The following AKR1A1 variants were observed in gnomAD, a reference collection of about 807,000 sequenced individuals.
AKR1A1 encodes the protein HEL-S-165mP.
Under a neutral mutation model 39.2 loss-of-function variants are expected in AKR1A1, and 26 were observed. The ratio of observed to expected loss-of-function variants is 0.66; its 90% CI spans 0.49 to 0.92. The LOEUF is 0.92. AKR1A1 is among the 40% of genes least tolerant of loss of function. The probability of loss-of-function intolerance (pLI) is 0.00; values close to 1 mark genes in which losing one functional copy is unlikely to be tolerated. For missense variants in AKR1A1, 378 were observed against 406.5 expected (o/e 0.93, Z 0.60); for synonymous variants, 141 against 155.5 (o/e 0.91, Z 0.69).
rs141859105 is a variant in AKR1A1, at chr1:45,566,973, G to A, written c.309G>A (p.Gln103=). 22 of 1,614,132 alleles carry A rather than the reference G, an allele frequency of 1.4e-5. No homozygotes were observed. The African/African-American group carries it at 2.9e-4, about 22-fold the overall frequency. The stretch of plus-strand genomic sequence containing the variant: ...TCCGGAAGACTCTGGCTGACCTCCA[G>A]CTGGAGTATCTGGACCTGTACCTGA... ...PALRKTLADL[Q]LEYLDLYLMH... is the part of the protein sequence containing the mutation. The change falls in exon 4 of 9, where the codon CAG becomes CAA. Residue 103 remains glutamine, a synonymous_variant. Transcript: ENST00000351829.
chr1:45,560,466 C>T (rs1644263133), intron 1 of AKR1A1, among the ~76,000 whole-genome samples: 1 of 152,140 alleles, frequency 6.6e-6, no homozygotes, highest in Admixed American at 6.6e-5. Context: ...TAAAAACATC[C>T]AGGTGTGCTG....
rs766625145 is a variant in AKR1A1 at position 45,568,638 on chromosome 1, G to T, written c.706G>T (p.Ala236Ser). 1.9e-6 allele frequency: 3 copies of T among 1,613,844 alleles called. No individual in the cohort carries two copies. The highest frequency in any genetic ancestry group is 2.5e-6 in the Non-Finnish European group (3 of 1,179,918). ...PVLLEEPVVL[A>S]LAEKYGRSPA... Reference sequence around the variant, plus strand: ...CCTGCTGGAGGAACCAGTAGTCCTGGCATTGGCTGAAAAGTATGGCCGATC... The same window carrying T: ...CCTGCTGGAGGAACCAGTAGTCCTGTCATTGGCTGAAAAGTATGGCCGATC... Residue 236 changes from alanine to serine, a missense_variant, in exon 6 of 9, where the codon GCA (alanine) becomes TCA (serine). Coordinates refer to ENST00000351829, the MANE Select transcript of AKR1A1 (RefSeq NM_153326.3).
At chr1:45,562,490 C>T (rs1288005364) in intron 2 of AKR1A1, among the ~76,000 whole-genome samples, 1 of 148,672 alleles carries the variant, frequency 6.7e-6, no homozygotes, top group Non-Finnish European at 1.5e-5. Context: ...CACAGGCACA[C>T]ACTAACACAC....
At chr1:45,562,018 C>A in intron 2 of AKR1A1, 140 bp downstream of exon 2, 1 of 794,898 alleles carries the variant, frequency 1.3e-6, no homozygotes, top group Non-Finnish European at 2.0e-6. Context: ...ACATCCTGGG[C>A]TTCCCCAGCT....
chr1:45,562,534 G>A (rs891159673), intron 2 of AKR1A1, among the ~76,000 whole-genome samples: 3 of 143,968 alleles, frequency 2.1e-5, no homozygotes, highest in Non-Finnish European at 4.5e-5. Context: ...TTTTGAAACC[G>A]AGTCTCACTC....
At chr1:45,568,801 T>C in intron 6 of AKR1A1, 117 bp downstream of exon 6, 1 of 1,519,428 alleles carries the variant, frequency 6.6e-7, no homozygotes, top group Non-Finnish European at 9.1e-7. Context: ...GGGAGGCCAC[T>C]GTAGGCATAT....
At chr1:45,566,049 T>A (rs1355365559) in intron 2 of AKR1A1, among the ~76,000 whole-genome samples, 2 of 152,058 alleles carry the variant, frequency 1.3e-5, no homozygotes, top group Admixed American at 6.5e-5. Flanking sequence ...GAGCAAAGGG[T>A]TTGGAGCCTC....
At chr1:45,557,007 T>C (rs1395440186) in intron 1 of AKR1A1, among the ~76,000 whole-genome samples, 6 of 150,900 alleles carry the variant, frequency 4.0e-5, no homozygotes, top group Non-Finnish European at 8.8e-5. Context: ...CTGGCCAACA[T>C]GGTGAAACCC....
chr1:45,569,858 C>G, intron 8 of AKR1A1, 33 bp from the exon 9 acceptor site: 1 of 1,601,112 alleles, frequency 6.2e-7, no homozygotes, highest in Non-Finnish European at 8.6e-7. Flanking sequence ...GCAACTCCTG[C>G]TGATGGAGTA....
At chr1:45,558,528 T>G (rs562797913) in intron 1 of AKR1A1, among the ~76,000 whole-genome samples, 1 of 151,400 alleles carries the variant, frequency 6.6e-6, no homozygotes, top group South Asian at 2.1e-4. Context: ...GCCTTCTGAG[T>G]ATCTGGGACC....
At position 45,560,725 on chromosome 1, in the gene AKR1A1, CTT is replaced by C. The variant is rs565611681; in HGVS notation, c.-6-1045_-6-1044del. Among the ~76,000 whole-genome samples the C allele has an allele frequency of 3.9e-3, 447 of 114,326 alleles. 4 individuals carry two copies. The highest frequency in any genetic ancestry group is 0.024 in the East Asian group (92 of 3,756). 75.0% of individuals were successfully genotyped at this position (114,326 alleles called of 152,430 possible). On this transcript the variant is annotated intron_variant, in intron 1 of 8. Coordinates refer to ENST00000351829, the MANE Select transcript of AKR1A1 (RefSeq NM_153326.3). ...AGGTACTTGGAGAATCTCTGCAGTT[CTT>C]TTTTTTTTTTTTTTTTTTGAGACAA...
Position 45,568,984 on chromosome 1 carries a change from C to G in AKR1A1, c.810C>G (p.Ile270Met). Residue 270 changes from isoleucine to methionine, a missense_variant, in exon 7 of 9, where the codon ATC becomes ATG. Physicochemically the swap from Ile to Met is conservative, Grantham distance 10. Transcript: ENST00000351829. ...CCAAAAGTATCACTCCTTCTCGAATCCTTCAGAACATCAAGGTACTTGGTA... is the reference window on the plus strand; with the variant it reads ...CCAAAAGTATCACTCCTTCTCGAATGCTTCAGAACATCAAGGTACTTGGTA... ...CIPKSITPSRILQNIKVFDFT... is the reference protein window; with the variant it reads ...CIPKSITPSRMLQNIKVFDFT... The G allele has an allele frequency of 6.2e-7, 1 of 1,614,164 alleles. No individual in the cohort carries two copies. The highest frequency in any genetic ancestry group is 8.5e-7 in the Non-Finnish European group (1 of 1,180,010).
chr1:45,562,534 G>C (rs891159673), intron 2 of AKR1A1, among the ~76,000 whole-genome samples: 2 of 143,966 alleles, frequency 1.4e-5, no homozygotes, highest in African/African-American at 5.2e-5. Flanking sequence ...TTTTGAAACC[G>C]AGTCTCACTC....
intron 1 of AKR1A1, among the ~76,000 whole-genome samples, chr1:45,553,315 G>C (rs1644157964): frequency 6.6e-6 from 1 of 151,884 alleles, no homozygotes; most frequent in African/African-American, 2.4e-5. Context: ...CCAACTACTG[G>C]GGAGGCTGAG....
chr1:45,562,940 T>G (rs1644296601), intron 2 of AKR1A1, among the ~76,000 whole-genome samples: 1 of 151,296 alleles, frequency 6.6e-6, no homozygotes, highest in South Asian at 2.1e-4. Context: ...GGCAACACAG[T>G]GAGACCCCCG....
chr1:45,564,471 C>G (rs1644314840), intron 2 of AKR1A1, among the ~76,000 whole-genome samples: 2 of 152,294 alleles, frequency 1.3e-5, no homozygotes, highest in Non-Finnish European at 1.5e-5. Flanking sequence ...ACTGACCCAT[C>G]CTTCTATCTG....
At chr1:45,562,015 G>A in intron 2 of AKR1A1, 137 bp downstream of exon 2, 1 of 819,970 alleles carries the variant, frequency 1.2e-6, no homozygotes, top group Non-Finnish European at 1.9e-6. Context: ...TATACATCCT[G>A]GGCTTCCCCA....
Position 45,568,087 on chromosome 1 carries a change from G to A in AKR1A1, c.462G>A (p.Gly154=), listed in dbSNP as rs147926975. ...CTCTGGAGGCACTGGTGGCTAAGGG[G>A]CTGGTGCAGGCGCTGGGCCTGTCCA... The part of the protein sequence containing the change: ...WKALEALVAK[G]LVQALGLSNF... The change falls in exon 5 of 9, where the codon GGG becomes GGA. Residue 154 remains glycine, a synonymous_variant. Coordinates refer to ENST00000351829, the MANE Select transcript of AKR1A1 (RefSeq NM_153326.3). The A allele has an allele frequency of 6.2e-7, 1 of 1,614,090 alleles. No homozygotes were observed. The highest frequency in any genetic ancestry group is 1.3e-5 in the African/African-American group (1 of 75,018).
chr1:45,557,932 T>G, intron 1 of AKR1A1, among the ~76,000 whole-genome samples: 1 of 148,648 alleles, frequency 6.7e-6, no homozygotes, highest in Non-Finnish European at 1.5e-5. Flanking sequence ...TTTTTTGAGA[T>G]GGAGCCTCAC....
Sources: allele counts gnomAD v4.1 joint callset (sites outside exome capture counted in the v4.1 genomes callset), GRCh38; gene constraint gnomAD v4.1.1; transcripts MANE v1.5; gene names NCBI Gene and HGNC (gene_info 2026-07-23, HGNC 2026-07-21).